AFG2B: variants seen among roughly 807,000 people sequenced by gnomAD.
AFG2B encodes AAA ATPase AFG2B, also known as ATPase family gene 2 protein homolog B.
chr15:45,417,526 A>T, the AFG2B span: 1 of 909,972 alleles, frequency 1.1e-6, no homozygotes, highest in South Asian at 2.0e-5. Flanking sequence ...CTTTCATGAC[A>T]TCATAATTTT....
the AFG2B span, chr15:45,417,330 G>A: frequency 6.2e-7 from 1 of 1,613,968 alleles, no homozygotes; most frequent in African/African-American, 1.3e-5. Flanking sequence ...GACCTGATGT[G>A]TTAGATACTG....
At chr15:45,403,001 C>T in the AFG2B span, 3 of 1,588,730 alleles carry the variant, frequency 1.9e-6, no homozygotes, top group African/African-American at 4.1e-5. Flanking sequence ...GGGGAGCCTC[C>T]GTCGGAAGCC....
the AFG2B span, among the ~76,000 whole-genome samples, chr15:45,413,046 C>T: frequency 0.01 from 1,553 of 152,232 alleles, 23 homozygotes; most frequent in African/African-American, 0.035. Context: ...TTATAATATG[C>T]GCCAATATTT....
At chr15:45,413,950 T>C in the AFG2B span, among the ~76,000 whole-genome samples, 1 of 152,164 alleles carries the variant, frequency 6.6e-6, no homozygotes, top group African/African-American at 2.4e-5. Context: ...CATTATTCGG[T>C]TTACTGTTAC....
At chr15:45,407,785 G>A in the AFG2B span, among the ~76,000 whole-genome samples, 3 of 152,160 alleles carry the variant, frequency 2.0e-5, no homozygotes, top group South Asian at 4.1e-4. Flanking sequence ...TTGGATATAA[G>A]AGGGCAAATA....
chr15:45,408,361 C>T, the AFG2B span, among the ~76,000 whole-genome samples: 1 of 152,214 alleles, frequency 6.6e-6, no homozygotes, highest in Non-Finnish European at 1.5e-5. Flanking sequence ...CTCTCCTCTT[C>T]TCTTTCTCTC....
the AFG2B span, chr15:45,406,922 A>G: frequency 1.0e-6 from 1 of 955,852 alleles, no homozygotes; most frequent in African/African-American, 1.7e-5. Flanking sequence ...TTGAAGTTTT[A>G]AAGTTCTGTG....
At chr15:45,412,066 C>G in the AFG2B span, among the ~76,000 whole-genome samples, 1 of 150,466 alleles carries the variant, frequency 6.6e-6, no homozygotes, top group Non-Finnish European at 1.5e-5. Context: ...CCATTGTACT[C>G]CAGCTTGAGC....
At chr15:45,403,365 G>A in the AFG2B span, 1 of 1,610,332 alleles carries the variant, frequency 6.2e-7, no homozygotes, top group Non-Finnish European at 8.5e-7. Flanking sequence ...GTCCCCAGCG[G>A]GGCAGTCGAG....
At chr15:45,403,188 C>T in the AFG2B span, 6 of 1,459,710 alleles carry the variant, frequency 4.1e-6, no homozygotes, top group South Asian at 8.5e-5. Context: ...TGGTGCGGGC[C>T]GTGGCGCGCG....
chr15:45,418,168 AC>A, the AFG2B span, among the ~76,000 whole-genome samples: 1 of 151,860 alleles, frequency 6.6e-6, no homozygotes, highest in African/African-American at 2.4e-5. Flanking sequence ...ACATGGTGAA[AC>A]CCCATCTCTA....
At chr15:45,402,398 C>T in the AFG2B span, 8 of 1,559,030 alleles carry the variant, frequency 5.1e-6, no homozygotes, top group Non-Finnish European at 6.0e-6. Flanking sequence ...GTTTCCTAAT[C>T]TGGTTTCGTC....
the AFG2B span, chr15:45,415,705 C>T: frequency 6.2e-7 from 1 of 1,614,060 alleles, no homozygotes; most frequent in Non-Finnish European, 8.5e-7. Flanking sequence ...CGAGTTCTTT[C>T]TGTTCTCCTG....
chr15:45,419,193 A>T, the AFG2B span, among the ~76,000 whole-genome samples: 1 of 152,212 alleles, frequency 6.6e-6, no homozygotes, highest in African/African-American at 2.4e-5. Flanking sequence ...CGTGCCTGTG[A>T]TCCCAGCATT....
the AFG2B span, chr15:45,415,453 G>A: frequency 9.0e-5 from 64 of 707,682 alleles, no homozygotes; most frequent in East Asian, 1.7e-3. Context: ...AGCTGAAATC[G>A]CATCACTACA....
At chr15:45,412,031 G>A in the AFG2B span, among the ~76,000 whole-genome samples, 13 of 151,750 alleles carry the variant, frequency 8.6e-5, no homozygotes, top group African/African-American at 2.7e-4. Context: ...CCGGGAGGTG[G>A]AGGTTGCAGT....
the AFG2B span, among the ~76,000 whole-genome samples, chr15:45,419,996 C>CCCCCCCA: frequency 1.2e-5 from 1 of 84,648 alleles, no homozygotes; most frequent in African/African-American, 6.9e-5. Context: ...TCCCCCCCCC[C>CCCCCCCA]CAAAAAAAAA....
chr15:45,420,847 T>C, the AFG2B span, among the ~76,000 whole-genome samples: 1 of 151,872 alleles, frequency 6.6e-6, no homozygotes. Context: ...CAAAAATTAG[T>C]TGGGCGTGGT....
the AFG2B span, chr15:45,410,524 A>C: frequency 8.1e-6 from 13 of 1,606,176 alleles, no homozygotes; most frequent in Non-Finnish European, 1.0e-5. Context: ...AACTGAAGTT[A>C]AAACAGGTAA....
Sources: gnomAD v4.1 joint callset for allele counts (sites outside exome capture counted in the v4.1 genomes callset) on GRCh38, gnomAD v4.1.1 for gene constraint, MANE v1.5 for transcripts, NCBI Gene and HGNC (gene_info 2026-07-23, HGNC 2026-07-21) for gene names.